GPR141: variants seen among roughly 807,000 people sequenced by gnomAD.
GPR141 encodes probable G protein-coupled receptor 141.
A neutral mutation model predicts 6.8 loss-of-function variants in GPR141; 6 were observed. The ratio of observed to expected loss-of-function variants is 0.88; its 90% CI spans 0.48 to 1.74. The LOEUF is 1.74. Ranked by LOEUF, GPR141 falls within the 40% of genes most tolerant of loss-of-function variation. GPR141 has a pLI of 0.01. For synonymous variants in GPR141, 140 were observed against 142.3 expected, an observed-to-expected ratio of 0.98 and a Z score of 0.11; for missense variants, 372 against 372.9, an observed-to-expected ratio of 1.00 and a Z score of 0.02.
At chr7:37,716,025 TC>T (rs1231763741) in intron 2 of GPR141, among the ~76,000 whole-genome samples, 1 of 152,126 alleles carries the variant, frequency 6.6e-6, no homozygotes, top group African/African-American at 2.4e-5. Flanking sequence ...AAGAATCCCA[TC>T]CTTGGAGTTG....
chr7:37,688,621 C>G (rs564643001), intron 2 of GPR141, among the ~76,000 whole-genome samples: 1 of 152,186 alleles, frequency 6.6e-6, no homozygotes, highest in Non-Finnish European at 1.5e-5. Flanking sequence ...GAAGTCCTCT[C>G]TCCTCCTTGC....
Position 37,702,075 on chromosome 7 carries a change from A to G in GPR141, c.-15+16492A>G, listed in dbSNP as rs552523900. ...TCTTGTTTGGTTTGTGTTTTGTCAG[A>G]CATAACTTTTTAAGATTTTTTTCTT... On this transcript the variant is annotated intron_variant, in intron 2 of 2. Coordinates refer to ENST00000334425, the MANE Select transcript of GPR141 (RefSeq NM_001381946.1). 2.0e-5 allele frequency among the ~76,000 whole-genome samples: 3 copies of G among 152,306 alleles called. 1 individual carries two copies. In the East Asian group the frequency reaches 5.8e-4, roughly 29 times the overall value.
Position 37,743,803 on chromosome 7 carries a change from A to G in GPR141, c.*2492A>G, listed in dbSNP as rs576592613. Among the ~76,000 whole-genome samples the G allele has an allele frequency of 3.3e-5, 5 of 152,290 alleles. No homozygotes were observed. The highest frequency in any genetic ancestry group is 9.6e-5 in the African/African-American group (4 of 41,578). ...TTTCATAATATAAAATATCTTTTTC[A>G]TCAGTATTTATGGAATAAATAGAAA... On this transcript the variant is annotated 3_prime_UTR_variant, in exon 3 of 3. Transcript: ENST00000334425.
At chr7:37,685,749 G>A (rs545803373) in intron 2 of GPR141, among the ~76,000 whole-genome samples, 166 bp downstream of exon 2, 3 of 139,028 alleles carry the variant, frequency 2.2e-5, no homozygotes, top group East Asian at 4.1e-4. Context: ...GTGCCTGGCA[G>A]CACTTTTTTT....
In GPR141 at chr7:37,686,216, G is replaced by A. The variant is rs141377496; in HGVS notation, c.-15+633G>A. Among the ~76,000 whole-genome samples, 59 of 145,264 alleles carry A rather than the reference G, an allele frequency of 4.1e-4. No individual in the cohort carries two copies. In the East Asian group the frequency reaches 9.7e-3, roughly 24 times the overall value. On this transcript the variant is annotated intron_variant, in intron 2 of 2. Transcript: ENST00000334425. ...GGGGTCTCACTATGTTGCCAAGGCT[G>A]GTCTCAAATCCCTGGGCTCAAGCAG... is the stretch of plus-strand genomic sequence containing the variant.
At chr7:37,716,784 C>A (rs188382556) in intron 2 of GPR141, among the ~76,000 whole-genome samples, 135 of 152,286 alleles carry the variant, frequency 8.9e-4, no homozygotes, top group African/African-American at 3.2e-3. Context: ...GAATTTCTAT[C>A]TCTGAATAAA....
At chr7:37,695,137 G>A (rs1445166389) in intron 2 of GPR141, among the ~76,000 whole-genome samples, 1 of 152,196 alleles carries the variant, frequency 6.6e-6, no homozygotes, top group African/African-American at 2.4e-5. Context: ...AGGTAGAGTG[G>A]TTCCACTGCT....
chr7:37,733,868 A>G (rs558791171), intron 2 of GPR141, among the ~76,000 whole-genome samples: 12 of 152,102 alleles, frequency 7.9e-5, no homozygotes, highest in Non-Finnish European at 1.2e-4. Context: ...TTGGATATTT[A>G]TCTCATAAAT....
chr7:37,711,715 A>T (rs1292296668), intron 2 of GPR141, among the ~76,000 whole-genome samples: 1 of 152,214 alleles, frequency 6.6e-6, no homozygotes, highest in East Asian at 1.9e-4. Context: ...CCTTTCTCTG[A>T]AATCCCACAG....
chr7:37,689,910 C>T (rs1436320217), intron 2 of GPR141, among the ~76,000 whole-genome samples: 4 of 150,154 alleles, frequency 2.7e-5, no homozygotes, highest in South Asian at 2.1e-4. Flanking sequence ...ATTTCTGCTC[C>T]GATCGTTATT....
intron 2 of GPR141, among the ~76,000 whole-genome samples, chr7:37,737,724 C>A (rs1812315966): frequency 6.6e-6 from 1 of 152,144 alleles, no homozygotes; most frequent in Non-Finnish European, 1.5e-5. Context: ...TGACATCCCT[C>A]ATTTGGTTCA....
At position 37,726,963 on chromosome 7, in the gene GPR141, C is replaced by T. The variant is rs146598252; in HGVS notation, c.-14-13417C>T. Among the ~76,000 whole-genome samples the T allele has an allele frequency of 1.2e-3, 181 of 152,180 alleles. 3 individuals are homozygous for T. The Middle Eastern group carries it at 0.017, about 14-fold the overall frequency. ...TTAGGGATAATTGTAAGATTTTTCA[C>T]GTATGCAAATAGAAAATGGAGTTCG... is the stretch of plus-strand genomic sequence containing the variant. On this transcript the variant is annotated intron_variant, in intron 2 of 2. Coordinates refer to ENST00000334425, the MANE Select transcript of GPR141 (RefSeq NM_001381946.1).
intron 2 of GPR141, among the ~76,000 whole-genome samples, chr7:37,703,469 C>T (rs994382980): frequency 6.6e-6 from 1 of 152,144 alleles, no homozygotes; most frequent in African/African-American, 2.4e-5. Flanking sequence ...CTTCACTTGG[C>T]TCTCTTTATC....
chr7:37,731,563 C>T (rs1019411784), intron 2 of GPR141, among the ~76,000 whole-genome samples: 2 of 152,072 alleles, frequency 1.3e-5, no homozygotes, highest in Admixed American at 1.3e-4. Context: ...CCTGCCTCAG[C>T]CTCCCGAGTA....
At chr7:37,732,299 ATTAC>A (rs1340781353) in intron 2 of GPR141, among the ~76,000 whole-genome samples, 1 of 144,398 alleles carries the variant, frequency 6.9e-6, no homozygotes, top group African/African-American at 2.5e-5. Context: ...AAAAACCGCA[ATTAC>A]TTTTGCAACA....
intron 2 of GPR141, among the ~76,000 whole-genome samples, chr7:37,736,414 C>T (rs576565494): frequency 8.0e-5 from 12 of 150,386 alleles, no homozygotes; most frequent in Admixed American, 4.0e-4. Context: ...CAATATTTGG[C>T]GGGGTAAAAC....
intron 2 of GPR141, among the ~76,000 whole-genome samples, chr7:37,711,854 G>A (rs1187438244): frequency 6.6e-6 from 1 of 152,216 alleles, no homozygotes; most frequent in Non-Finnish European, 1.5e-5. Flanking sequence ...AGACAAAAGA[G>A]TACACTGATT....
At chr7:37,718,834 T>A (rs546687262) in intron 2 of GPR141, among the ~76,000 whole-genome samples, 2 of 152,188 alleles carry the variant, frequency 1.3e-5, no homozygotes, top group African/African-American at 2.4e-5. Flanking sequence ...CATTGAACCT[T>A]AACCAAGGGC....
intron 2 of GPR141, among the ~76,000 whole-genome samples, chr7:37,733,333 C>G (rs188014687): frequency 3.2e-4 from 49 of 152,262 alleles, no homozygotes; most frequent in African/African-American, 1.2e-3. Flanking sequence ...CACATGGTGA[C>G]TTGTCCCAGC....
Sources: gnomAD v4.1 joint callset for allele counts (sites outside exome capture counted in the v4.1 genomes callset) on GRCh38, gnomAD v4.1.1 for gene constraint, MANE v1.5 for transcripts, NCBI Gene and HGNC (gene_info 2026-07-23, HGNC 2026-07-21) for gene names.